Variants in PKP2 observed in about 807,000 individuals in gnomAD.
PKP2 encodes plakophilin-2.
A neutral mutation model predicts 83.4 loss-of-function variants in PKP2; 73 were observed. The observed-to-expected ratio is 0.88, with a 90% CI of 0.72 to 1.06. The LOEUF is 1.06. PKP2 is among the 50% of genes least tolerant of loss of function. The probability of loss-of-function intolerance (pLI) is 0.00; values close to 1 mark genes in which losing one functional copy is unlikely to be tolerated. For synonymous variants in PKP2, 409 were observed against 430.4 expected, an observed-to-expected ratio of 0.95 and a Z score of 0.62; for missense variants, 966 against 1,065.4, an observed-to-expected ratio of 0.91 and a Z score of 1.30.
chr12:32,845,770 T>C (rs1468695772), intron 5 of PKP2, among the ~76,000 whole-genome samples: 1 of 152,116 alleles, frequency 6.6e-6, no homozygotes, highest in Non-Finnish European at 1.5e-5. Flanking sequence ...TTAACCGTGT[T>C]TTTCAAAGTG....
chr12:32,795,377 C>T (rs1956110989), intron 11 of PKP2, among the ~76,000 whole-genome samples: 3 of 142,942 alleles, frequency 2.1e-5, no homozygotes, highest in Admixed American at 1.4e-4. Context: ...GCTGCTGCTG[C>T]TTTTTTTTTT....
intron 1 of PKP2, among the ~76,000 whole-genome samples, chr12:32,890,074 C>CA (rs55957473): frequency 0.54 from 34,922 of 64,298 alleles, 9,814 homozygotes; most frequent in Non-Finnish European, 0.66. Context: ...GACTCCATCT[C>CA]AAAAAAAAAA....
At chr12:32,831,559 CAA>C (rs1346333549) in intron 6 of PKP2, among the ~76,000 whole-genome samples, 9 of 151,952 alleles carry the variant, frequency 5.9e-5, no homozygotes, top group Admixed American at 5.2e-4. Flanking sequence ...GAAAGCCCAG[CAA>C]AAAGAGTCCA....
rs1460314882 is a variant in PKP2 at position 32,822,572 on chromosome 12, G to C, written c.1734C>G (p.Leu578=). Residue 578 remains leucine (L), a synonymous_variant, in exon 8 of 13, where the codon CTC becomes CTG. Transcript: ENST00000340811. ...HNLSYQLEAE[L]PEKYSQNIYI... is the part of the protein sequence containing the mutation. ...AGATATTCTGGGAATATTTCTCTGG[G>C]AGCTCTGCCTCCAGCTGGTAGGAGA... 6.2e-7 allele frequency: 1 copy of C among 1,613,986 alleles called. No homozygotes were observed. Among genetic ancestry groups the C allele is most frequent in the Non-Finnish European group, 8.5e-7 (1 of 1,179,902 alleles).
At chr12:32,803,296 C>A (rs1456858337) in intron 9 of PKP2, among the ~76,000 whole-genome samples, 1 of 152,170 alleles carries the variant, frequency 6.6e-6, no homozygotes, top group Admixed American at 6.5e-5. Context: ...TCGCTTGAAC[C>A]TGGGAGACAG....
chr12:32,874,538 T>G (rs930071935), intron 3 of PKP2, among the ~76,000 whole-genome samples: 4 of 152,206 alleles, frequency 2.6e-5, no homozygotes, highest in African/African-American at 9.6e-5. Flanking sequence ...TTACTCATTA[T>G]TTTTAAATTT....
intron 4 of PKP2, among the ~76,000 whole-genome samples, chr12:32,853,411 A>C (rs939571011): frequency 2.6e-5 from 4 of 151,742 alleles, no homozygotes; most frequent in African/African-American, 7.2e-5. Context: ...AAAAAAAAAA[A>C]ACCAAAATAC....
chr12:32,884,499 C>T (rs12824411), intron 1 of PKP2, among the ~76,000 whole-genome samples: 21,664 of 152,082 alleles, frequency 0.14, 1,884 homozygotes, highest in Non-Finnish European at 0.18. Flanking sequence ...TTTGGGTCTT[C>T]ATTTCTGAAG....
At chr12:32,850,612 A>G (rs1452884783) in intron 5 of PKP2, among the ~76,000 whole-genome samples, 154 bp downstream of exon 5, 1 of 152,100 alleles carries the variant, frequency 6.6e-6, no homozygotes, top group Non-Finnish European at 1.5e-5. Context: ...CTGGAGTCTA[A>G]GCCAGCAGGT....
chr12:32,816,307 C>T (rs1477313246), intron 9 of PKP2, among the ~76,000 whole-genome samples: 1 of 152,178 alleles, frequency 6.6e-6, no homozygotes, highest in Non-Finnish European at 1.5e-5. Flanking sequence ...CATGGTTTAA[C>T]TCCCACGTAT....
intron 9 of PKP2, among the ~76,000 whole-genome samples, chr12:32,817,578 A>C (rs1039549239): frequency 7.9e-5 from 12 of 152,204 alleles, no homozygotes. Flanking sequence ...ATGTCTTAAC[A>C]TGTCTTTTGA....
At chr12:32,872,605 C>T (rs986097531) in intron 3 of PKP2, among the ~76,000 whole-genome samples, 1 of 152,122 alleles carries the variant, frequency 6.6e-6, no homozygotes, top group Non-Finnish European at 1.5e-5. Flanking sequence ...AGCATTCCTG[C>T]CAACTAACAA....
intron 3 of PKP2, 70 bp downstream of exon 3, chr12:32,877,776 C>T (rs762657368): frequency 1.9e-5 from 22 of 1,150,948 alleles, no homozygotes; most frequent in Non-Finnish European, 2.7e-5. Flanking sequence ...AGTGCCAGCT[C>T]ATGCTGTCAG....
At chr12:32,814,910 G>A (rs1956306634) in intron 9 of PKP2, among the ~76,000 whole-genome samples, 1 of 151,686 alleles carries the variant, frequency 6.6e-6, no homozygotes, top group African/African-American at 2.4e-5. Context: ...AGGCGACAGA[G>A]TGAGACTCTG....
intron 1 of PKP2, among the ~76,000 whole-genome samples, chr12:32,881,940 G>C (rs554744150): frequency 2.1e-4 from 32 of 152,322 alleles, no homozygotes; most frequent in African/African-American, 7.5e-4. Flanking sequence ...AGGCTAGCAG[G>C]CCAGGTACAG....
chr12:32,845,009 A>G (rs2137843231), intron 5 of PKP2, among the ~76,000 whole-genome samples: 1 of 152,278 alleles, frequency 6.6e-6, no homozygotes, highest in East Asian at 1.9e-4. Context: ...CAATTTTTTC[A>G]TAGTGTCTTA....
chr12:32,886,569 AT>A (rs1394151600), intron 1 of PKP2, among the ~76,000 whole-genome samples: 2 of 152,194 alleles, frequency 1.3e-5, no homozygotes, highest in East Asian at 3.8e-4. Flanking sequence ...GGACTTACAT[AT>A]TTTTTAAAAC....
chr12:32,875,262 T>C lies in PKP2; in HGVS notation c.1034+2584A>G, dbSNP rs187456709. 1.6e-4 allele frequency among the ~76,000 whole-genome samples: 24 copies of C among 151,978 alleles called. No homozygotes were observed. In the South Asian group the frequency reaches 4.2e-3, roughly 26 times the overall value. On this transcript the variant is annotated intron_variant, in intron 3 of 12. Coordinates refer to ENST00000340811, the MANE Select transcript of PKP2 (RefSeq NM_001005242.3). The stretch of plus-strand genomic sequence containing the variant: ...GACTGGGAAGGAAGTGGTCAGAAAA[T>C]AGGTGGTATCTGAGCTAAATCCAGA...
At chr12:32,825,393 T>A (rs995242358) in intron 6 of PKP2, among the ~76,000 whole-genome samples, 1 of 152,012 alleles carries the variant, frequency 6.6e-6, no homozygotes, top group African/African-American at 2.4e-5. Flanking sequence ...GGATGGTCTC[T>A]ATCTCTTGAC....
Sources: gnomAD v4.1 joint callset for allele counts (sites outside exome capture counted in the v4.1 genomes callset) on GRCh38, gnomAD v4.1.1 for gene constraint, MANE v1.5 for transcripts, NCBI Gene and HGNC (gene_info 2026-07-23, HGNC 2026-07-21) for gene names.